The following VPS37A variants were observed in gnomAD, a reference collection of about 807,000 sequenced individuals.
VPS37A encodes the protein vacuolar protein sorting-associated protein 37A.
A neutral mutation model predicts 49.8 loss-of-function variants in VPS37A; 30 were observed. The ratio of observed to expected loss-of-function variants is 0.60; its 90% CI spans 0.45 to 0.82. VPS37A has a LOEUF of 0.82. VPS37A is among the 40% of genes least tolerant of loss of function. The probability of loss-of-function intolerance (pLI) is 0.00; values close to 1 mark genes in which losing one functional copy is unlikely to be tolerated. For synonymous variants in VPS37A, 195 were observed against 160.6 expected, an observed-to-expected ratio of 1.21 and a Z score of -1.62; for missense variants, 593 against 464.4, an observed-to-expected ratio of 1.28 and a Z score of -2.55.
chr8:17,262,640 T>C (rs74702565), intron 1 of VPS37A, among the ~76,000 whole-genome samples: 2,489 of 152,032 alleles, frequency 0.016, 34 homozygotes, highest in Non-Finnish European at 0.026. Context: ...TATAAAGATA[T>C]GGTTATAAGA....
At chr8:17,324,270 G>A in the VPS37A span, among the ~76,000 whole-genome samples, 1 of 152,196 alleles carries the variant, frequency 6.6e-6, no homozygotes, top group Non-Finnish European at 1.5e-5. Context: ...GAATAGATGA[G>A]CGTCTGCGAT....
chr8:17,259,045 A>G lies in VPS37A; in HGVS notation c.126-6862A>G, dbSNP rs912414404. 4.0e-5 allele frequency among the ~76,000 whole-genome samples: 6 copies of G among 151,872 alleles called. 1 individual carries two copies. Among genetic ancestry groups the G allele is most frequent in the South Asian group, 4.1e-4 (2 of 4,822 alleles). On this transcript the variant is annotated intron_variant, in intron 1 of 11. Transcript: ENST00000324849. The stretch of plus-strand genomic sequence containing the variant: ...ATGATTTTATCTTTTCAAATAACCA[A>G]CTTTTCATTTTCTTGATCTTTTGTA...
intron 2 of VPS37A, among the ~76,000 whole-genome samples, chr8:17,267,018 G>A (rs1030721758): frequency 5.9e-5 from 9 of 151,920 alleles, no homozygotes; most frequent in Non-Finnish European, 1.0e-4. Flanking sequence ...TGATACACCC[G>A]CCTCGGCCTC....
intron 9 of VPS37A, among the ~76,000 whole-genome samples, chr8:17,283,295 A>C (rs1004668030): frequency 2.0e-5 from 3 of 151,984 alleles, no homozygotes; most frequent in Admixed American, 6.6e-5. Context: ...AGCCAAGGCT[A>C]CAGGTGCATG....
intron 11 of VPS37A, among the ~76,000 whole-genome samples, chr8:17,288,768 G>C: frequency 6.6e-6 from 1 of 152,172 alleles, no homozygotes; most frequent in Non-Finnish European, 1.5e-5. Context: ...GGTATTTCTA[G>C]TTCTAGATCC....
In VPS37A at chr8:17,268,961, G is replaced by A. The variant is rs1163530223; in HGVS notation, c.416+5G>A. 6.4e-7 allele frequency: 1 copy of A among 1,567,900 alleles called. No homozygotes were observed. Among genetic ancestry groups the A allele is most frequent in the Non-Finnish European group, 8.7e-7 (1 of 1,154,580 alleles). ...TACTTCAACAGCATTTCCTTAGTAA[G>A]TATATTTCTAGTAAATAAAAAAGTC... On this transcript the variant is annotated splice_donor_5th_base_variant and intron_variant, in intron 4 of 11. Coordinates refer to ENST00000324849, the MANE Select transcript of VPS37A (RefSeq NM_152415.3).
chr8:17,248,342 G>C, intron 1 of VPS37A: 1 of 449,304 alleles, frequency 2.2e-6, no homozygotes, highest in Non-Finnish European at 4.4e-6. Context: ...TCGGTTCACT[G>C]CAACCTCCGT....
intron 6 of VPS37A, 54 bp from the exon 7 acceptor site, chr8:17,279,974 G>T: frequency 6.2e-7 from 1 of 1,604,840 alleles, no homozygotes; most frequent in Non-Finnish European, 8.5e-7. Flanking sequence ...TAGTTGTCAT[G>T]GAGAAAAACT....
chr8:17,309,332 C>T, the VPS37A span: 1 of 1,546,250 alleles, frequency 6.5e-7, no homozygotes, highest in Non-Finnish European at 8.9e-7. Flanking sequence ...AATACCTACA[C>T]AAGAAAGAAT....
intron 9 of VPS37A, among the ~76,000 whole-genome samples, chr8:17,283,057 T>G (rs1208282638): frequency 1.3e-5 from 2 of 152,264 alleles, no homozygotes; most frequent in African/African-American, 4.8e-5. Context: ...GTGAGCCATA[T>G]TTGTGAAGAT....
intron 10 of VPS37A, among the ~76,000 whole-genome samples, chr8:17,284,817 T>G (rs1416235971): frequency 1.3e-5 from 2 of 152,160 alleles, no homozygotes; most frequent in African/African-American, 4.8e-5. Flanking sequence ...CTTAAAACTT[T>G]GAAGGTCTGT....
At chr8:17,284,687 C>G (rs1288414219) in intron 10 of VPS37A, 71 bp downstream of exon 10, 1 of 1,485,000 alleles carries the variant, frequency 6.7e-7, no homozygotes, top group African/African-American at 1.5e-5. Context: ...AGGAGAAGCA[C>G]TGGGTGTTAG....
At chr8:17,294,406 C>T (rs187515397) in intron 11 of VPS37A, among the ~76,000 whole-genome samples, 22 of 152,278 alleles carry the variant, frequency 1.4e-4, no homozygotes, top group African/African-American at 4.8e-4. Context: ...GGGTGGGATC[C>T]GCTGAGCAAG....
the VPS37A span, chr8:17,331,424 C>G: frequency 1.2e-6 from 1 of 836,318 alleles, no homozygotes; most frequent in Non-Finnish European, 1.8e-6. Context: ...ATCACTGCAA[C>G]CTTGTACTGA....
intron 1 of VPS37A, chr8:17,247,606 C>G (rs1166812604): frequency 1.4e-6 from 1 of 708,610 alleles, no homozygotes; most frequent in Non-Finnish European, 2.6e-6. Context: ...ATTTCCTCAT[C>G]CCTCCTGACA....
chr8:17,322,560 C>G, the VPS37A span, among the ~76,000 whole-genome samples: 1 of 152,186 alleles, frequency 6.6e-6, no homozygotes, highest in Non-Finnish European at 1.5e-5. Flanking sequence ...TGGGTCATGC[C>G]TGTAATCCCA....
chr8:17,277,477 C>T (rs1343961630), intron 6 of VPS37A, among the ~76,000 whole-genome samples: 2 of 152,000 alleles, frequency 1.3e-5, no homozygotes, highest in Admixed American at 6.6e-5. Context: ...GCAACAACAG[C>T]TATAAACCCT....
intron 6 of VPS37A, among the ~76,000 whole-genome samples, chr8:17,278,412 T>C (rs1814726206): frequency 2.0e-5 from 3 of 152,138 alleles, no homozygotes. Context: ...TACTGAAGTA[T>C]ACTTCATACA....
At chr8:17,284,722 C>T in intron 10 of VPS37A, 106 bp downstream of exon 10, 1 of 1,325,680 alleles carries the variant, frequency 7.5e-7, no homozygotes, top group Non-Finnish European at 1.0e-6. Flanking sequence ...TGATATCATC[C>T]CCCTTTTTTT....
Sources: allele counts gnomAD v4.1 joint callset (sites outside exome capture counted in the v4.1 genomes callset), GRCh38; gene constraint gnomAD v4.1.1; transcripts MANE v1.5; gene names NCBI Gene and HGNC (gene_info 2026-07-23, HGNC 2026-07-21).